LY75: variants seen among roughly 807,000 people sequenced by gnomAD.
The protein encoded by LY75 is lymphocyte antigen 75.
Under a neutral mutation model 231.7 loss-of-function variants are expected in LY75, and 185 were observed. That is an observed-to-expected ratio of 0.80 (90% CI 0.71 to 0.90). LY75 has a LOEUF of 0.90. Ranked by LOEUF, LY75 falls within the 40% of genes least tolerant of loss-of-function variation. LY75 has a pLI of 0.00. For synonymous variants in LY75, 668 were observed against 689.0 expected, an observed-to-expected ratio of 0.97 and a Z score of 0.48; for missense variants, 1,947 against 2,050.2, an observed-to-expected ratio of 0.95 and a Z score of 0.97.
chr2:159,817,923 C>T (rs1436995365), intron 29 of LY75, among the ~76,000 whole-genome samples: 1 of 151,998 alleles, frequency 6.6e-6, no homozygotes, highest in East Asian at 1.9e-4. Context: ...GTGGGGCGTG[C>T]CTGTAATCCC....
At chr2:159,861,929 T>C (rs12692568) in intron 14 of LY75, among the ~76,000 whole-genome samples, 61,010 of 151,254 alleles carry the variant, frequency 0.4, 13,020 homozygotes, top group South Asian at 0.68. Flanking sequence ...CTAAGATGGG[T>C]AGACTGCCTG....
intron 33 of LY75, among the ~76,000 whole-genome samples, chr2:159,807,481 T>A (rs1244140573): frequency 6.6e-6 from 1 of 152,148 alleles, no homozygotes; most frequent in East Asian, 1.9e-4. Flanking sequence ...AGGGAGAGAT[T>A]TCTAAGGACC....
intron 1 of LY75, among the ~76,000 whole-genome samples, chr2:159,901,270 T>A (rs1259840083): frequency 2.0e-5 from 3 of 152,178 alleles, no homozygotes; most frequent in Non-Finnish European, 4.4e-5. Flanking sequence ...CATGGCCTTC[T>A]CCCACAATTC....
chr2:159,848,068 G>GTATATATATA (rs557189751), intron 23 of LY75, among the ~76,000 whole-genome samples: 36 of 123,864 alleles, frequency 2.9e-4, no homozygotes, highest in East Asian at 1.1e-3. Flanking sequence ...ATTATGGTGT[G>GTATATATATA]TATATATATA....
chr2:159,849,845 T>C lies in LY75; in HGVS notation c.3150+135A>G, dbSNP rs370834377. 3.7e-5 allele frequency: 43 copies of C among 1,152,870 alleles called. 1 individual carries two copies. In the South Asian group the frequency reaches 6.9e-4, roughly 19 times the overall value. The allele number at this position is 1,152,870 out of a possible 1,614,324, so 71.4% of individuals were successfully genotyped here. A position where few individuals can be genotyped will look rare whatever the true frequency, so the allele number is the denominator to read the frequency against. The stretch of plus-strand genomic sequence containing the variant: ...CTCTAGCAATCACTAACCTACTTAC[T>C]ATCTTAGATGTGCCTATTCTGGACA... On this transcript the variant is annotated intron_variant, in intron 23 of 34. Transcript: ENST00000263636.
At chr2:159,823,116 T>A (rs1435691744) in intron 28 of LY75, among the ~76,000 whole-genome samples, 2 of 152,086 alleles carry the variant, frequency 1.3e-5, no homozygotes, top group Non-Finnish European at 2.9e-5. Flanking sequence ...TTGACAGAAG[T>A]GGGCTTCAGA....
At chr2:159,873,806 A>C in intron 12 of LY75, among the ~76,000 whole-genome samples, 1 of 96,690 alleles carries the variant, frequency 1.0e-5, no homozygotes, top group Non-Finnish European at 2.6e-5. Flanking sequence ...ATATACATAT[A>C]GTAAAAATAC....
intron 23 of LY75, among the ~76,000 whole-genome samples, chr2:159,843,327 A>G (rs1330742446): frequency 6.6e-6 from 1 of 152,146 alleles, no homozygotes; most frequent in Non-Finnish European, 1.5e-5. Flanking sequence ...GATAATGGAG[A>G]TTTTTTAAAT....
At position 159,878,340 on chromosome 2, in the gene LY75, C is replaced by A; in HGVS notation, c.1758G>T (p.Trp586Cys). 5 of 1,613,772 alleles carry A rather than the reference C, an allele frequency of 3.1e-6. No individual in the cohort carries two copies. The highest frequency in any genetic ancestry group is 4.2e-6 in the Non-Finnish European group (5 of 1,179,874). The change falls in exon 11 of 35, where the codon TGG (tryptophan) becomes TGT (cysteine). Residue 586 changes from tryptophan to cysteine, a missense_variant. Trp to Cys is a radical substitution (Grantham distance 215, BLOSUM62 -2). Coordinates refer to ENST00000263636, the MANE Select transcript of LY75 (RefSeq NM_002349.4). ...GRRRAVTFSN[W>C]NFLEPASPGG... ...GACACTCACCTGGCTCAAGAAAATT[C>A]CAGTTGGAAAAGGTTACAGCCCGCC...
At chr2:159,881,896 A>C (rs532515176) in intron 7 of LY75, among the ~76,000 whole-genome samples, 6 of 152,190 alleles carry the variant, frequency 3.9e-5, no homozygotes, top group Admixed American at 3.9e-4. Context: ...GTAATAATTC[A>C]GTTCCTCAGT....
chr2:159,885,439 C>CCTG, intron 5 of LY75, 146 bp from the exon 6 acceptor site: 1 of 967,110 alleles, frequency 1.0e-6, no homozygotes, highest in South Asian at 2.4e-5. Flanking sequence ...ACGTATAAGC[C>CCTG]TCAATGAATA....
chr2:159,899,179 T>G lies in LY75; in HGVS notation c.95-120A>C, dbSNP rs560275021. The G allele has an allele frequency of 8.6e-4, 1,295 of 1,501,748 alleles. 2 individuals are homozygous for G. Among genetic ancestry groups the G allele is most frequent in the Middle Eastern group, 7.1e-3 (30 of 4,242 alleles). 93.0% of individuals were successfully genotyped at this position (1,501,748 alleles called of 1,614,324 possible). The stretch of plus-strand genomic sequence containing the variant: ...CATCCTCAGTCTGTTCCCACTCTTT[T>G]TAAGCTGCAGGGGACTACAAAAGGT... On this transcript the variant is annotated intron_variant, in intron 1 of 34. Transcript: ENST00000263636.
intron 28 of LY75, 29 bp from the exon 29 acceptor site, chr2:159,819,949 T>G: frequency 6.4e-7 from 1 of 1,559,874 alleles, no homozygotes; most frequent in Non-Finnish European, 8.6e-7. Context: ...TTCCTATGCT[T>G]AGAGATTAAA....
At chr2:159,874,135 C>A (rs372628940) in intron 12 of LY75, among the ~76,000 whole-genome samples, 5,552 of 91,980 alleles carry the variant, frequency 0.06, 846 homozygotes, top group African/African-American at 0.18. Context: ...AATATATAAA[C>A]GTATATATAT....
chr2:159,805,867 C>T (rs995109662), intron 34 of LY75, among the ~76,000 whole-genome samples: 2 of 152,160 alleles, frequency 1.3e-5, no homozygotes, highest in Admixed American at 1.3e-4. Flanking sequence ...CTTCCAGTTG[C>T]TTTCCATTCC....
intron 28 of LY75, among the ~76,000 whole-genome samples, chr2:159,827,878 G>A (rs529835163): frequency 6.6e-6 from 1 of 152,164 alleles, no homozygotes; most frequent in African/African-American, 2.4e-5. Flanking sequence ...AACACCGCAT[G>A]TTCTCACTCA....
intron 6 of LY75, among the ~76,000 whole-genome samples, chr2:159,883,315 T>G (rs879753572): frequency 6.6e-6 from 1 of 152,090 alleles, no homozygotes; most frequent in Non-Finnish European, 1.5e-5. Flanking sequence ...GTGGACAGTT[T>G]GTTTTTTTTA....
Position 159,807,092 on chromosome 2 carries a change from C to G in LY75, c.4871G>C (p.Trp1624Ser). ...AACACCACTCTTACTTTTATTTTCC[C>G]ATTTGACAAATGTCACTTCTGATCC... ...LDGSEVTFVK[W>S]ENKSKSGVGR... Residue 1624 changes from tryptophan to serine, a missense_variant, in exon 34 of 35, where the codon TGG becomes TCG. Coordinates refer to ENST00000263636, the MANE Select transcript of LY75 (RefSeq NM_002349.4). 1 of 1,613,850 alleles carries G rather than the reference C, an allele frequency of 6.2e-7. No homozygotes were observed. Among genetic ancestry groups the G allele is most frequent in the Non-Finnish European group, 8.5e-7 (1 of 1,179,918 alleles).
At position 159,882,072 on chromosome 2, in the gene LY75, G is replaced by C. The variant is rs1438680599; in HGVS notation, c.1246+52C>G. On this transcript the variant is annotated intron_variant, in intron 7 of 34. Coordinates refer to ENST00000263636, the MANE Select transcript of LY75 (RefSeq NM_002349.4). The stretch of plus-strand genomic sequence containing the variant: ...TTCCCACAAAGAGTCTAAAACCAGG[G>C]ATACTTTAAAATGGCTTAAGCCTCT... The C allele has an allele frequency of 1.1e-5, 17 of 1,554,330 alleles. No homozygotes were observed. The East Asian group carries it at 3.6e-4, about 33-fold the overall frequency.
Sources: gnomAD v4.1 joint callset for allele counts (sites outside exome capture counted in the v4.1 genomes callset) on GRCh38, gnomAD v4.1.1 for gene constraint, MANE v1.5 for transcripts, NCBI Gene and HGNC (gene_info 2026-07-23, HGNC 2026-07-21) for gene names.